LOXL1: variants seen among roughly 807,000 people sequenced by gnomAD.
The protein encoded by LOXL1 is lysyl oxidase like 1.
A neutral mutation model predicts 62.2 loss-of-function variants in LOXL1; 31 were observed. That is an observed-to-expected ratio of 0.50 (90% CI 0.37 to 0.67). The LOEUF (loss-of-function observed/expected upper bound fraction) is 0.67, where lower values mean the gene tolerates loss of function less well. LOXL1 is among the 30% of genes least tolerant of loss of function. The pLI is 0.00. For missense variants in LOXL1, 775 were observed against 843.4 expected (o/e 0.92, Z 1.00); for synonymous variants, 403 against 384.4 (o/e 1.05, Z -0.56).
At chr15:73,939,687 T>G (rs1428466822) in intron 1 of LOXL1, among the ~76,000 whole-genome samples, 1 of 152,192 alleles carries the variant, frequency 6.6e-6, no homozygotes, top group Admixed American at 6.5e-5. Context: ...CCACACGGCT[T>G]TATACATTTG....
chr15:73,947,743 G>A (rs2068758072), intron 4 of LOXL1, 64 bp from the exon 5 acceptor site: 1 of 1,150,194 alleles, frequency 8.7e-7, no homozygotes, highest in Non-Finnish European at 1.3e-6. Context: ...ACTCCTGAAG[G>A]TGGGCGTGGG....
intron 1 of LOXL1, among the ~76,000 whole-genome samples, chr15:73,929,543 T>C (rs1467953753): frequency 6.6e-6 from 1 of 152,198 alleles, no homozygotes; most frequent in Non-Finnish European, 1.5e-5. Flanking sequence ...AAGGTGTCGC[T>C]TTTGAGTTGT....
In LOXL1 at chr15:73,942,941, CGGA is replaced by C. The variant is rs775555226; in HGVS notation, c.1195_1197del (p.Glu399del). The C allele has an allele frequency of 4.3e-6, 7 of 1,613,698 alleles. No individual in the cohort carries two copies. Among genetic ancestry groups the C allele is most frequent in the East Asian group, 2.2e-5 (1 of 44,876 alleles). The stretch of plus-strand genomic sequence containing the variant: ...CACCTGTACTCCCTGCGCTGTGCTG[CGGA>C]GGAGAAGTGTCTGGCCAGGTAAGGA... On this transcript the variant is annotated inframe_deletion, in exon 2 of 7. Transcript: ENST00000261921.
At chr15:73,939,549 G>A (rs2068699216) in intron 1 of LOXL1, among the ~76,000 whole-genome samples, 1 of 152,202 alleles carries the variant, frequency 6.6e-6, no homozygotes, top group South Asian at 2.1e-4. Flanking sequence ...TTCTAGAAAA[G>A]GCATAACTAA....
At position 73,935,934 on chromosome 15, in the gene LOXL1, G is replaced by GGTGTGTGTGTGTGTGTGT. The variant is rs3056338; in HGVS notation, c.1103-6897_1103-6880dup. On this transcript the variant is annotated intron_variant, in intron 1 of 6. Transcript: ENST00000261921. ...TGTGTGCCTCTGCATAGGTAGAGCT[G>GGTGTGTGTGTGTGTGTGT]GTGTGTGTGTGTGTGTGTGTGTGTG... Among the ~76,000 whole-genome samples, 196 of 131,920 alleles carry GGTGTGTGTGTGTGTGTGT rather than the reference G, an allele frequency of 1.5e-3. 1 individual carries two copies. Among genetic ancestry groups the GGTGTGTGTGTGTGTGTGT allele is most frequent in the East Asian group, 5.1e-3 (22 of 4,272 alleles). The allele number at this position is 131,920 out of a possible 152,430, so 86.5% of individuals were successfully genotyped here.
rs749821534 is a variant in LOXL1, at chr15:73,946,390, C to T, written c.1212-27C>T. 3.3e-6 allele frequency: 5 copies of T among 1,524,852 alleles called. No homozygotes were observed. In the African/African-American group the frequency reaches 4.1e-5, roughly 12 times the overall value. The allele number at this position is 1,524,852 out of a possible 1,614,324, so 94.5% of individuals were successfully genotyped here. On this transcript the variant is annotated intron_variant, in intron 2 of 6. Coordinates refer to ENST00000261921, the MANE Select transcript of LOXL1 (RefSeq NM_005576.4). ...TCTGGTGTCACTGTGCCCCAACCCC[C>T]CCTCATCTCCCCCGCCGTCCCTGCA...
rs2068588525 is a variant in LOXL1 at position 73,927,246 on chromosome 15, G to T, written c.463G>T (p.Ala155Ser). 2.5e-6 allele frequency: 4 copies of T among 1,599,010 alleles called. No individual in the cohort carries two copies. In the South Asian group the frequency reaches 4.4e-5, roughly 18 times the overall value. Residue 155 changes from alanine to serine, a missense_variant, in exon 1 of 7, where the codon GCC becomes TCC. Ala to Ser is a moderately conservative substitution (Grantham distance 99). Coordinates refer to ENST00000261921, the MANE Select transcript of LOXL1 (RefSeq NM_005576.4). ...CTCCCAGCAACGGCACGGGGGCTCC[G>T]CCTCCTCGGTCTCGGCTTCGGCCTT... is the stretch of plus-strand genomic sequence containing the variant. ...SVSQQRHGGSASSVSASAFAS... is the reference protein window; with the variant it reads ...SVSQQRHGGSSSSVSASAFAS...
intron 6 of LOXL1, 88 bp downstream of exon 6, chr15:73,949,662 C>A (rs2068770810): frequency 1.7e-5 from 14 of 848,126 alleles, no homozygotes; most frequent in Non-Finnish European, 2.8e-5. Flanking sequence ...AAGATACCTG[C>A]ACTTTAGGTC....
chr15:73,949,637 C>A, intron 6 of LOXL1, 63 bp downstream of exon 6: 1 of 1,112,114 alleles, frequency 9.0e-7, no homozygotes, highest in Non-Finnish European at 1.4e-6. Flanking sequence ...GCAGGCAAGG[C>A]CACCTGAGAT....
chr15:73,939,443 G>A (rs1463789582), intron 1 of LOXL1, among the ~76,000 whole-genome samples: 2 of 152,218 alleles, frequency 1.3e-5, no homozygotes, highest in Non-Finnish European at 2.9e-5. Context: ...TGACAGAGGT[G>A]GAGCTCAGAG....
chr15:73,950,166 T>C (rs1201332016), intron 6 of LOXL1, among the ~76,000 whole-genome samples: 1 of 152,080 alleles, frequency 6.6e-6, no homozygotes, highest in African/African-American at 2.4e-5. Context: ...TTTTGGCACA[T>C]GCTGCTGGGT....
At position 73,927,661 on chromosome 15, in the gene LOXL1, C is replaced by T; in HGVS notation, c.878C>T (p.Pro293Leu). Residue 293 changes from proline to leucine, a missense_variant, in exon 1 of 7, where the codon CCC (proline) becomes CTC (leucine). Physicochemically the swap from Pro to Leu is moderately conservative, Grantham distance 98. Transcript: ENST00000261921. ...GGCTTCGAGCAGGCCTACCCTGACC[C>T]CGGTCCCGAGGCGGCGCAGGCCCAT... is the stretch of plus-strand genomic sequence containing the variant. ...TPGFEQAYPD[P>L]GPEAAQAHGG... 2 of 1,487,696 alleles carry T rather than the reference C, an allele frequency of 1.3e-6. No individual in the cohort carries two copies. The highest frequency in any genetic ancestry group is 1.8e-6 in the Non-Finnish European group (2 of 1,125,964). The allele number at this position is 1,487,696 out of a possible 1,614,324, so 92.2% of individuals were successfully genotyped here.
chr15:73,936,648 G>C (rs889150714), intron 1 of LOXL1, among the ~76,000 whole-genome samples: 1 of 152,208 alleles, frequency 6.6e-6, no homozygotes, highest in Admixed American at 6.5e-5. Context: ...AAAGATTCCA[G>C]AGACAAGGTT....
chr15:73,933,664 C>T (rs893122366), intron 1 of LOXL1, among the ~76,000 whole-genome samples: 4 of 152,262 alleles, frequency 2.6e-5, no homozygotes, highest in African/African-American at 9.6e-5. Flanking sequence ...GCTCCTGAGT[C>T]CATTCTACCT....
In LOXL1 at chr15:73,926,934, G is replaced by A; in HGVS notation, c.151G>A (p.Val51Met). The part of the protein sequence containing the change: ...QLIQWENNGQ[V>M]YSLLNSGSEY... ...GATCCAGTGGGAGAACAACGGGCAG[G>A]TGTACAGCTTGCTCAACTCGGGCTC... is the stretch of plus-strand genomic sequence containing the variant. The change falls in exon 1 of 7, where the codon GTG becomes ATG. Residue 51 changes from valine (V) to methionine (M), a missense_variant. By Grantham distance (21) the Val-to-Met change is conservative. Transcript: ENST00000261921. The A allele has an allele frequency of 2.6e-6, 4 of 1,566,000 alleles. No homozygotes were observed. The highest frequency in any genetic ancestry group is 3.5e-6 in the Non-Finnish European group (4 of 1,157,064).
chr15:73,938,822 A>G (rs565584364), intron 1 of LOXL1, among the ~76,000 whole-genome samples: 18 of 152,322 alleles, frequency 1.2e-4, no homozygotes, highest in East Asian at 3.9e-4. Context: ...TCAAGGCTGC[A>G]GTTAGCCATG....
At chr15:73,950,373 C>G (rs2068775754) in intron 6 of LOXL1, among the ~76,000 whole-genome samples, 1 of 151,906 alleles carries the variant, frequency 6.6e-6, no homozygotes. Context: ...GATCTTAAGG[C>G]CCAGAGAGGT....
chr15:73,941,931 G>A (rs1318899185), intron 1 of LOXL1: 1 of 260,304 alleles, frequency 3.8e-6, no homozygotes, highest in Non-Finnish European at 8.5e-6. Flanking sequence ...GCAGGAACAG[G>A]ACGGACAGGC....
intron 1 of LOXL1, among the ~76,000 whole-genome samples, chr15:73,935,969 G>GTGTGTC (rs1169292920): frequency 6.6e-6 from 1 of 151,648 alleles, no homozygotes; most frequent in Non-Finnish European, 1.5e-5. Context: ...GTGTGTGTGT[G>GTGTGTC]TGTGTACGCG....
Sources: gnomAD v4.1 joint callset for allele counts (sites outside exome capture counted in the v4.1 genomes callset) on GRCh38, gnomAD v4.1.1 for gene constraint, MANE v1.5 for transcripts, NCBI Gene and HGNC (gene_info 2026-07-23, HGNC 2026-07-21) for gene names.